PCDHGA11: variants seen among roughly 807,000 people sequenced by gnomAD.
PCDHGA11 encodes the protein protocadherin gamma subfamily A, 11.
A neutral mutation model predicts 60.4 loss-of-function variants in PCDHGA11; 39 were observed. That is an observed-to-expected ratio of 0.65 (90% CI 0.50 to 0.84). The LOEUF (loss-of-function observed/expected upper bound fraction) is 0.84, where lower values mean the gene tolerates loss of function less well. PCDHGA11 is among the 40% of genes least tolerant of loss of function. The pLI, the probability that PCDHGA11 is intolerant of heterozygous loss-of-function variation, is 0.00. For missense variants in PCDHGA11, 1,165 were observed against 1,197.7 expected, an observed-to-expected ratio of 0.97 and a Z score of 0.40; for synonymous variants, 533 against 510.3, an observed-to-expected ratio of 1.04 and a Z score of -0.60.
Position 141,422,081 on chromosome 5 carries a change from T to C in PCDHGA11, c.854T>C (p.Met285Thr). ...NGEVMYSFRN[M>T]ESKASEIFQL... Reference sequence around the variant, plus strand: ...GAAGTAATGTATTCATTTCGGAACATGGAAAGCAAGGCTTCTGAAATATTC... The same window carrying C: ...GAAGTAATGTATTCATTTCGGAACACGGAAAGCAAGGCTTCTGAAATATTC... The change falls in exon 1 of 4, where the codon ATG (methionine) becomes ACG (threonine). Residue 285 changes from methionine (M) to threonine (T), a missense_variant. Transcript: ENST00000398587. 4 of 1,612,346 alleles carry C rather than the reference T, an allele frequency of 2.5e-6. No homozygotes were observed. Among genetic ancestry groups the C allele is most frequent in the Non-Finnish European group, 3.4e-6 (4 of 1,179,458 alleles).
rs1036281905 is a variant in PCDHGA11 at position 141,493,555 on chromosome 5, T to A, written c.2434-1252T>A. Among the ~76,000 whole-genome samples, 3 of 152,012 alleles carry A rather than the reference T, an allele frequency of 2.0e-5. No individual in the cohort carries two copies. ...GCCAGTTATCCTTTTGGAGATTGAG[T>A]TCCCCCAGCTCCGTTTCCTCCTATC... On this transcript the variant is annotated intron_variant, in intron 1 of 3. Transcript: ENST00000398587. The surrounding 1 kb of genome is among the most constrained non-coding windows in gnomAD (Gnocchi z 4.3).
In PCDHGA11 at chr5:141,476,299, C is replaced by T; in HGVS notation, c.2434-18508C>T. ...ACCTTGGTTTGGATCTCGGTAGCCT[C>T]TCAGCCCGCAGGTTCCGGGTGGTGT... On this transcript the variant is annotated intron_variant, in intron 1 of 3. Transcript: ENST00000398587. The surrounding 1 kb of genome is among the most constrained non-coding windows in gnomAD (Gnocchi z 7.6). The T allele has an allele frequency of 6.2e-7, 1 of 1,614,100 alleles. No individual in the cohort carries two copies. The highest frequency in any genetic ancestry group is 1.1e-5 in the South Asian group (1 of 91,074).
rs61612330 is a variant in PCDHGA11, at chr5:141,454,796, A to ATTTTTTTTTTTT, written c.2433+31154_2433+31165dup. Among the ~76,000 whole-genome samples, 573 of 77,460 alleles carry ATTTTTTTTTTTT rather than the reference A, an allele frequency of 7.4e-3. 68 individuals carry two copies. Among genetic ancestry groups the ATTTTTTTTTTTT allele is most frequent in the Non-Finnish European group, 9.0e-3 (384 of 42,814 alleles). The allele number at this position is 77,460 out of a possible 152,430, so 50.8% of individuals were successfully genotyped here. A position where few individuals can be genotyped will look rare whatever the true frequency, so the allele number is the denominator to read the frequency against. On this transcript the variant is annotated intron_variant, in intron 1 of 3. Coordinates refer to ENST00000398587, the MANE Select transcript of PCDHGA11 (RefSeq NM_018914.3). ...AAGGAAATAATCCTCCATGGTTCTA[A>ATTTTTTTTTTTT]TTTTTTTTTTTTTTTTTTTTTTTTT...
In PCDHGA11 at chr5:141,422,106, C is replaced by T; in HGVS notation, c.879C>T (p.Phe293=). The stretch of plus-strand genomic sequence containing the variant: ...TGGAAAGCAAGGCTTCTGAAATATT[C>T]CAATTGGATTCACAAACTGGAGAAG... ...RNMESKASEI[F]QLDSQTGEVQ... The change falls in exon 1 of 4, where the codon TTC becomes TTT. Residue 293 remains phenylalanine, a synonymous_variant. Coordinates refer to ENST00000398587, the MANE Select transcript of PCDHGA11 (RefSeq NM_018914.3). The T allele has an allele frequency of 6.2e-7, 1 of 1,607,266 alleles. No homozygotes were observed. Among genetic ancestry groups the T allele is most frequent in the Non-Finnish European group, 8.5e-7 (1 of 1,178,022 alleles).
chr5:141,488,866 G>C (rs957501628), intron 1 of PCDHGA11, among the ~76,000 whole-genome samples: 1 of 152,148 alleles, frequency 6.6e-6, no homozygotes, highest in East Asian at 1.9e-4. Context: ...GAAGTGAGTG[G>C]GGAGGTAGGA....
chr5:141,499,634 C>A (rs1194596079), intron 2 of PCDHGA11, among the ~76,000 whole-genome samples: 1 of 151,220 alleles, frequency 6.6e-6, no homozygotes, highest in Non-Finnish European at 1.5e-5. Flanking sequence ...TCTTTTGAAG[C>A]AAATCTCAGA....
Position 141,496,029 on chromosome 5 carries a change from C to T in PCDHGA11, c.2492+1164C>T, listed in dbSNP as rs548231443. ...TTGTCTTTTTTCTCTGAGCCTCTGTCTCTGTCTCTCATTTTTTTGTGCTTG... is the reference window on the plus strand; with the variant it reads ...TTGTCTTTTTTCTCTGAGCCTCTGTTTCTGTCTCTCATTTTTTTGTGCTTG... On this transcript the variant is annotated intron_variant, in intron 2 of 3. Coordinates refer to ENST00000398587, the MANE Select transcript of PCDHGA11 (RefSeq NM_018914.3). Among the ~76,000 whole-genome samples, 3 of 152,088 alleles carry T rather than the reference C, an allele frequency of 2.0e-5. No individual in the cohort carries two copies. In the East Asian group the frequency reaches 5.8e-4, roughly 29 times the overall value.
rs1049654933 is a variant in PCDHGA11 at position 141,497,808 on chromosome 5, A to G, written c.2492+2943A>G. 2.6e-5 allele frequency among the ~76,000 whole-genome samples: 4 copies of G among 152,282 alleles called. No homozygotes were observed. The East Asian group carries it at 7.7e-4, about 29-fold the overall frequency. Reference sequence around the variant, plus strand: ...ACCTGCTTCAGCTTCCCAAAGTGCTAGAATTACAGGTGTGATCGCCCCCGG... The same window carrying G: ...ACCTGCTTCAGCTTCCCAAAGTGCTGGAATTACAGGTGTGATCGCCCCCGG... On this transcript the variant is annotated intron_variant, in intron 2 of 3. Coordinates refer to ENST00000398587, the MANE Select transcript of PCDHGA11 (RefSeq NM_018914.3).
At position 141,489,559 on chromosome 5, in the gene PCDHGA11, C is replaced by A; in HGVS notation, c.2434-5248C>A. ...CAGCACCAGCTGCCTGCTGCCAGTG[C>A]AGGTGGTGACTGAACACCCCCTGGA... On this transcript the variant is annotated intron_variant, in intron 1 of 3. Coordinates refer to ENST00000398587, the MANE Select transcript of PCDHGA11 (RefSeq NM_018914.3). This position sits in a 1 kb window ranked among gnomAD's most constrained non-coding sequence, Gnocchi z 4.5. The A allele has an allele frequency of 6.2e-7, 1 of 1,614,078 alleles. No homozygotes were observed. The highest frequency in any genetic ancestry group is 8.5e-7 in the Non-Finnish European group (1 of 1,180,014).
chr5:141,421,071 A>G lies in PCDHGA11; in HGVS notation c.-157A>G, dbSNP rs1197006989. On this transcript the variant is annotated 5_prime_UTR_variant, in exon 1 of 4. The change abolishes an upstream ATG in the 5' untranslated region. Transcript: ENST00000398587. ...CCTCTACCACACAAAGCGGAATGAG[A>G]TGGATACTCACAGATCCTGACACTG... 1 of 608,760 alleles carries G rather than the reference A, an allele frequency of 1.6e-6. No individual in the cohort carries two copies. Among genetic ancestry groups the G allele is most frequent in the East Asian group, 2.9e-5 (1 of 34,018 alleles). 37.7% of individuals were successfully genotyped at this position (608,760 alleles called of 1,614,324 possible).
chr5:141,508,077 G>T (rs1166570509), intron 3 of PCDHGA11: 1 of 152,446 alleles, frequency 6.6e-6, no homozygotes, highest in Non-Finnish European at 1.5e-5. Context: ...GGCTACTCTG[G>T]AGTTGCTGCC....
Position 141,493,806 on chromosome 5 carries a change from T to C in PCDHGA11, c.2434-1001T>C, listed in dbSNP as rs1339302166. On this transcript the variant is annotated intron_variant, in intron 1 of 3. Coordinates refer to ENST00000398587, the MANE Select transcript of PCDHGA11 (RefSeq NM_018914.3). This position sits in a 1 kb window ranked among gnomAD's most constrained non-coding sequence, Gnocchi z 4.3. ...TCCTTCTCCCTGGAGTAATCTGAGA[T>C]ACTCACACTCTCTGCTTCTGGGAGC... is the stretch of plus-strand genomic sequence containing the variant. Among the ~76,000 whole-genome samples, 1 of 152,162 alleles carries C rather than the reference T, an allele frequency of 6.6e-6. No homozygotes were observed. The highest frequency in any genetic ancestry group is 1.5e-5 in the Non-Finnish European group (1 of 68,038).
In PCDHGA11 at chr5:141,490,761, G is replaced by GTA. The variant is rs1380770489; in HGVS notation, c.2434-4044_2434-4043dup. The GTA allele has an allele frequency of 6.2e-7, 1 of 1,614,048 alleles. No individual in the cohort carries two copies. The highest frequency in any genetic ancestry group is 1.3e-5 in the African/African-American group (1 of 74,920). On this transcript the variant is annotated intron_variant, in intron 1 of 3. Coordinates refer to ENST00000398587, the MANE Select transcript of PCDHGA11 (RefSeq NM_018914.3). The surrounding 1 kb of genome is among the most constrained non-coding windows in gnomAD (Gnocchi z 5.4). ...AGGGAGCCCCAGCCTCCTCCTTTGT[G>GTA]TATGTCAACCCAGAGGATGGACGGA...
Position 141,476,852 on chromosome 5 carries a change from C to T in PCDHGA11, c.2434-17955C>T. 6.2e-7 allele frequency: 1 copy of T among 1,613,828 alleles called. No homozygotes were observed. Among genetic ancestry groups the T allele is most frequent in the Non-Finnish European group, 8.5e-7 (1 of 1,180,044 alleles). ...GAATGACAATGCGCCTGTCTTCAAC[C>T]AGTCCTTGTACCGGGCGCGCGTCCT... On this transcript the variant is annotated intron_variant, in intron 1 of 3. Coordinates refer to ENST00000398587, the MANE Select transcript of PCDHGA11 (RefSeq NM_018914.3). This position sits in a 1 kb window ranked among gnomAD's most constrained non-coding sequence, Gnocchi z 7.6.
At chr5:141,449,251 A>T (rs918418872) in intron 1 of PCDHGA11, among the ~76,000 whole-genome samples, 10 of 152,256 alleles carry the variant, frequency 6.6e-5, no homozygotes, top group Middle Eastern at 3.4e-3. Flanking sequence ...AGTTGCAAGA[A>T]TTGTACAAAG....
In PCDHGA11 at chr5:141,434,786, T is replaced by A. The variant is rs867453805; in HGVS notation, c.2433+11126T>A. ...TTCACACTTCTAAAAAAAAAAAAAT[T>A]TTTTTTTCTGAGCTTGGAGAAATAT... On this transcript the variant is annotated intron_variant, in intron 1 of 3. Coordinates refer to ENST00000398587, the MANE Select transcript of PCDHGA11 (RefSeq NM_018914.3). 6.8e-4 allele frequency among the ~76,000 whole-genome samples: 102 copies of A among 150,682 alleles called. 1 individual carries two copies. The highest frequency in any genetic ancestry group is 1.8e-3 in the African/African-American group (72 of 40,898).
At chr5:141,472,855 A>C (rs1179268125) in intron 1 of PCDHGA11, among the ~76,000 whole-genome samples, 3 of 151,078 alleles carry the variant, frequency 2.0e-5, no homozygotes, top group African/African-American at 7.3e-5. Flanking sequence ...GCATGGTGGC[A>C]CATGCCTGTA....
At chr5:141,498,826 A>G (rs1186868890) in intron 2 of PCDHGA11, among the ~76,000 whole-genome samples, 1 of 152,006 alleles carries the variant, frequency 6.6e-6, no homozygotes, top group African/African-American at 2.4e-5. Context: ...CCAGCTACTC[A>G]GGAGGCTGAG....
intron 2 of PCDHGA11, among the ~76,000 whole-genome samples, chr5:141,495,725 C>G (rs1339925752): frequency 1.3e-5 from 2 of 151,986 alleles, no homozygotes; most frequent in African/African-American, 4.8e-5. Flanking sequence ...TACACGGGAC[C>G]CTTAGTCTCT....
Sources: gnomAD v4.1 joint callset for allele counts (sites outside exome capture counted in the v4.1 genomes callset) on GRCh38, gnomAD v4.1.1 for gene constraint, Gnocchi (gnomAD v3.1) non-coding constraint, MANE v1.5 for transcripts, NCBI Gene and HGNC (gene_info 2026-07-23, HGNC 2026-07-21) for gene names.